The following BRDT variants were observed in gnomAD, a reference collection of about 807,000 sequenced individuals.
BRDT encodes bromodomain testis-specific protein.
BRDT carries 77 observed loss-of-function variants against 113.9 expected under a neutral mutation model. That is an observed-to-expected ratio of 0.68 (90% CI 0.56 to 0.82). The LOEUF (loss-of-function observed/expected upper bound fraction) is 0.82. Among genes scored for constraint, BRDT ranks in the 40% least tolerant of loss-of-function variants. BRDT has a pLI of 0.00. For missense variants in BRDT, 1,027 were observed against 1,105.4 expected, an observed-to-expected ratio of 0.93 and a Z score of 1.01; for synonymous variants, 358 against 366.5, an observed-to-expected ratio of 0.98 and a Z score of 0.26.
At chr1:91,962,554 G>C (rs965404427) in intron 1 of BRDT, among the ~76,000 whole-genome samples, 164 bp from the exon 2 acceptor site, 2 of 151,956 alleles carry the variant, frequency 1.3e-5, no homozygotes, top group African/African-American at 4.8e-5. Context: ...GGCTGGTCTC[G>C]AACTCCTGAC....
chr1:91,954,503 C>T (rs1488323473), intron 1 of BRDT, among the ~76,000 whole-genome samples: 1 of 152,086 alleles, frequency 6.6e-6, no homozygotes, highest in Non-Finnish European at 1.5e-5. Context: ...TGGTCTCAAA[C>T]TCCTGGGCTC....
At chr1:92,001,898 T>C in intron 15 of BRDT, 151 bp from the exon 16 acceptor site, 1 of 579,500 alleles carries the variant, frequency 1.7e-6, no homozygotes, top group South Asian at 2.7e-5. Context: ...AACAAGTCCC[T>C]AACTAAGAAT....
At chr1:91,973,690 G>A (rs1274304564) in intron 4 of BRDT, among the ~76,000 whole-genome samples, 3 of 152,094 alleles carry the variant, frequency 2.0e-5, no homozygotes, top group Non-Finnish European at 2.9e-5. Flanking sequence ...TGAGATGATG[G>A]GGTTTTCTAG....
At chr1:91,962,515 G>A (rs921742811) in intron 1 of BRDT, among the ~76,000 whole-genome samples, 17 of 151,970 alleles carry the variant, frequency 1.1e-4, no homozygotes, top group African/African-American at 3.6e-4. Flanking sequence ...TGTATTTTTA[G>A]TAGAGACAGG....
chr1:91,978,345 G>A (rs761418053), intron 7 of BRDT, 49 bp downstream of exon 7: 1 of 1,591,684 alleles, frequency 6.3e-7, no homozygotes, highest in East Asian at 2.2e-5. Context: ...GAACATAGTT[G>A]AAACGTTTTT....
chr1:92,013,231 AAG>A (rs1491372438), intron 18 of BRDT, among the ~76,000 whole-genome samples: 1 of 151,846 alleles, frequency 6.6e-6, no homozygotes. Context: ...AAAAAAAAAA[AAG>A]ATTAAAAAAA....
At chr1:91,974,831 A>G (rs1330328072) in intron 4 of BRDT, among the ~76,000 whole-genome samples, 1 of 152,068 alleles carries the variant, frequency 6.6e-6, no homozygotes, top group East Asian at 1.9e-4. Flanking sequence ...ACACATGCAC[A>G]CATATGTTTA....
chr1:92,013,562 A>G (rs912266156), intron 18 of BRDT, among the ~76,000 whole-genome samples: 2 of 152,170 alleles, frequency 1.3e-5, no homozygotes, highest in Non-Finnish European at 2.9e-5. Flanking sequence ...GCAGTTAGAA[A>G]AGGCTTCAGA....
chr1:91,952,777 CAAA>C (rs66618367), intron 1 of BRDT, among the ~76,000 whole-genome samples: 48 of 74,868 alleles, frequency 6.4e-4, no homozygotes, highest in South Asian at 2.8e-3. Flanking sequence ...GACCCATCTC[CAAA>C]AAAAAAAAAA....
chr1:91,972,509 TG>T (rs1273481343), intron 4 of BRDT, among the ~76,000 whole-genome samples: 1 of 152,236 alleles, frequency 6.6e-6, no homozygotes, highest in Non-Finnish European at 1.5e-5. Context: ...ATGTCTGTCT[TG>T]TTCATTTTTG....
intron 15 of BRDT, among the ~76,000 whole-genome samples, chr1:91,998,692 A>G (rs1477517377): frequency 2.0e-5 from 3 of 152,228 alleles, no homozygotes; most frequent in Non-Finnish European, 4.4e-5. Context: ...AAGGAGGTGA[A>G]GAAGGCAGAA....
chr1:91,995,067 T>G (rs1259339672), intron 15 of BRDT, among the ~76,000 whole-genome samples: 2 of 152,080 alleles, frequency 1.3e-5, no homozygotes, highest in Non-Finnish European at 2.9e-5. Context: ...TAATATCTTA[T>G]CAGAAGGGAA....
intron 12 of BRDT, among the ~76,000 whole-genome samples, chr1:91,987,681 ATAT>A (rs1299843721): frequency 7.2e-6 from 1 of 137,944 alleles, no homozygotes; most frequent in Non-Finnish European, 1.6e-5. Flanking sequence ...TTTTTAAATC[ATAT>A]TATGTTCCTA....
chr1:91,954,693 C>A (rs991693453), intron 1 of BRDT, among the ~76,000 whole-genome samples: 2 of 152,128 alleles, frequency 1.3e-5, no homozygotes, highest in African/African-American at 4.8e-5. Flanking sequence ...TGATGGCTCA[C>A]GCCTGTAATC....
In BRDT at chr1:91,995,403, C is replaced by CTGTGTGTG. The variant is rs200254179; in HGVS notation, c.2287+1197_2287+1204dup. On this transcript the variant is annotated intron_variant, in intron 15 of 18. Transcript: ENST00000399546. ...TTCAGTTTAAAATCTCCCTACTATTCTGTGTGTGTGTGTGTGTGTGTGTGT... is the reference window on the plus strand; with the variant it reads ...TTCAGTTTAAAATCTCCCTACTATTCTGTGTGTGTGTGTGTGTGTGTGTGTGTGTGTGT... 2.8e-4 allele frequency among the ~76,000 whole-genome samples: 41 copies of CTGTGTGTG among 146,862 alleles called. No homozygotes were observed. In the East Asian group the frequency reaches 5.9e-3, roughly 21 times the overall value.
chr1:91,976,528 A>G (rs1000259841), intron 5 of BRDT, 90 bp downstream of exon 5: 2 of 1,261,282 alleles, frequency 1.6e-6, no homozygotes, highest in South Asian at 1.8e-5. Context: ...GCGTCTAGCA[A>G]TTTTTCTTTT....
rs764608347 is a variant in BRDT, at chr1:91,979,607, ACC to A, written c.1138_1139del (p.Pro380CysfsTer2). On this transcript the variant is annotated frameshift_variant, in exon 8 of 19. Transcript: ENST00000399546. LOFTEE classifies it high-confidence loss of function. ...CGCATTTTTCAAAGATCCCGATTGA[ACC>A]TGTTGAGAGTATGCCTTTATGTTAC... ...ETHFSKIPIE[P>X]VESMPLCYIK... The A allele has an allele frequency of 3.1e-6, 5 of 1,611,570 alleles. No individual in the cohort carries two copies. Among genetic ancestry groups the A allele is most frequent in the Non-Finnish European group, 4.2e-6 (5 of 1,179,520 alleles).
chr1:91,995,433 GTGTGTGTGTGTGTGTGTGTGTGTGTT>G lies in BRDT; in HGVS notation c.2287+1180_2287+1205del, dbSNP rs1442350073. ...TGTGTGTGTGTGTGTGTGTGTGTGT[GTGTGTGTGTGTGTGTGTGTGTGTGTT>G]GTTTAAATTTTTTTTTGAGATGGAG... is the stretch of plus-strand genomic sequence containing the variant. On this transcript the variant is annotated intron_variant, in intron 15 of 18. Coordinates refer to ENST00000399546, the MANE Select transcript of BRDT (RefSeq NM_207189.4). 5.5e-5 allele frequency among the ~76,000 whole-genome samples: 3 copies of G among 54,238 alleles called. No homozygotes were observed. In the Admixed American group the frequency reaches 6.4e-4, roughly 11 times the overall value. The allele number at this position is 54,238 out of a possible 152,430, so 35.6% of individuals were successfully genotyped here.
chr1:91,971,876 T>A (rs1375301641), intron 4 of BRDT, among the ~76,000 whole-genome samples: 1 of 152,214 alleles, frequency 6.6e-6, no homozygotes, highest in African/African-American at 2.4e-5. Context: ...TATTCCTTTT[T>A]GTTATCTCCC....
Sources: allele counts gnomAD v4.1 joint callset (sites outside exome capture counted in the v4.1 genomes callset), GRCh38; gene constraint gnomAD v4.1.1; transcripts MANE v1.5; gene names NCBI Gene and HGNC (gene_info 2026-07-23, HGNC 2026-07-21).